Variants in SMC5 observed in about 807,000 individuals in gnomAD.
SMC5 encodes structural maintenance of chromosomes 5, also known as structural maintenance of chromosomes protein 5.
A neutral mutation model predicts 148.3 loss-of-function variants in SMC5; 88 were observed. That is an observed-to-expected ratio of 0.59 (90% CI 0.50 to 0.71). The LOEUF (loss-of-function observed/expected upper bound fraction) is 0.71. Among genes scored for constraint, SMC5 ranks in the 30% least tolerant of loss-of-function variants. The pLI, the probability that SMC5 is intolerant of heterozygous loss-of-function variation, is 0.00. For synonymous variants in SMC5, 421 were observed against 432.8 expected (o/e 0.97, Z 0.34); for missense variants, 1,142 against 1,298.9 (o/e 0.88, Z 1.86).
intron 15 of SMC5, among the ~76,000 whole-genome samples, chr9:70,319,346 A>C (rs1472683177): frequency 6.6e-6 from 1 of 152,144 alleles, no homozygotes; most frequent in Admixed American, 6.5e-5. Context: ...TTAAAAATAA[A>C]CCCATTATGT....
chr9:70,323,369 A>G, intron 15 of SMC5, 114 bp from the exon 16 acceptor site: 3 of 995,894 alleles, frequency 3.0e-6, no homozygotes, highest in South Asian at 2.0e-5. Context: ...GCCAGGCACT[A>G]TATATCTGAA....
At position 70,340,342 on chromosome 9, in the gene SMC5, A is replaced by ATTATT. The variant is rs752795191; in HGVS notation, c.2398-3801_2398-3797dup. On this transcript the variant is annotated intron_variant, in intron 17 of 24. Coordinates refer to ENST00000361138, the MANE Select transcript of SMC5 (RefSeq NM_015110.4). ...AGAAAACATTTTACAAAGAAATAGTATTATTCCCATTATTTTATTGTTTAT... is the reference window on the plus strand; with the variant it reads ...AGAAAACATTTTACAAAGAAATAGTATTATTTTATTCCCATTATTTTATTGTTTAT... 4.6e-5 allele frequency among the ~76,000 whole-genome samples: 7 copies of ATTATT among 152,076 alleles called. No homozygotes were observed. In the East Asian group the frequency reaches 1.2e-3, roughly 25 times the overall value.
rs538939133 is a variant in SMC5 at position 70,307,008 on chromosome 9, A to G, written c.1578+1648A>G. On this transcript the variant is annotated intron_variant, in intron 11 of 24. Transcript: ENST00000361138. ...TTTTTGCCAAACCTGAGTACTACCT[A>G]TAGTATTATTTCTTGTTTTTCTTTC... Among the ~76,000 whole-genome samples the G allele has an allele frequency of 3.3e-5, 5 of 152,292 alleles. No homozygotes were observed. In the East Asian group the frequency reaches 7.7e-4, roughly 23 times the overall value.
intron 7 of SMC5, among the ~76,000 whole-genome samples, chr9:70,285,635 A>C (rs777064800): frequency 2.0e-5 from 3 of 152,218 alleles, no homozygotes; most frequent in Non-Finnish European, 4.4e-5. Flanking sequence ...CTGTCCAAGA[A>C]TAGTAGTCTT....
At chr9:70,346,714 A>G in intron 19 of SMC5, 65 bp downstream of exon 19, 2 of 1,556,064 alleles carry the variant, frequency 1.3e-6, no homozygotes, top group Admixed American at 1.7e-5. Flanking sequence ...CTCCCTAGCC[A>G]TTTGCTTTAA....
rs116938286 is a variant in SMC5 at position 70,339,066 on chromosome 9, A to C, written c.2398-5078A>C. On this transcript the variant is annotated intron_variant, in intron 17 of 24. Transcript: ENST00000361138. The stretch of plus-strand genomic sequence containing the variant: ...ACCAGCCCTTTTGTAAGGTTCTTTC[A>C]TTTCTTGTTGTGCATACTTAATAAA... 3.9e-5 allele frequency among the ~76,000 whole-genome samples: 6 copies of C among 152,262 alleles called. No individual in the cohort carries two copies. The East Asian group carries it at 1.2e-3, about 29-fold the overall frequency.
intron 13 of SMC5, among the ~76,000 whole-genome samples, chr9:70,317,118 C>G (rs1233145877): frequency 6.6e-6 from 1 of 152,078 alleles, no homozygotes; most frequent in Non-Finnish European, 1.5e-5. Context: ...TCTTAGCTAT[C>G]TTTCAGAAGA....
intron 7 of SMC5, 38 bp from the exon 8 acceptor site, chr9:70,286,162 A>G (rs772707961): frequency 2.2e-6 from 3 of 1,381,584 alleles, no homozygotes; most frequent in Non-Finnish European, 2.1e-6. Context: ...TGAGTTTTTA[A>G]CTAGCTGTCC....
chr9:70,277,022 C>T (rs1180113), intron 3 of SMC5, among the ~76,000 whole-genome samples: 11,828 of 152,158 alleles, frequency 0.078, 536 homozygotes, highest in African/African-American at 0.13. Context: ...ACAACTCCAG[C>T]TATGTGACTC....
intron 8 of SMC5, among the ~76,000 whole-genome samples, chr9:70,291,055 C>A (rs1029355167): frequency 3.9e-5 from 6 of 152,116 alleles, no homozygotes; most frequent in African/African-American, 1.4e-4. Context: ...CAGTCCCATT[C>A]CCCTCCCCAG....
At chr9:70,320,141 A>G (rs2035907380) in intron 15 of SMC5, among the ~76,000 whole-genome samples, 1 of 152,250 alleles carries the variant, frequency 6.6e-6, no homozygotes, top group Non-Finnish European at 1.5e-5. Flanking sequence ...AAACTTAGTC[A>G]CACAAGTGCT....
chr9:70,351,268 C>T (rs957117522), intron 24 of SMC5, among the ~76,000 whole-genome samples: 2 of 151,938 alleles, frequency 1.3e-5, no homozygotes, highest in Non-Finnish European at 2.9e-5. Context: ...GCATGAGGAT[C>T]GCTTGAGTCT....
chr9:70,260,128 G>A (rs1587606534), intron 1 of SMC5, among the ~76,000 whole-genome samples: 1 of 151,370 alleles, frequency 6.6e-6, no homozygotes, highest in Non-Finnish European at 1.5e-5. Context: ...TTTTTGAGAC[G>A]GAGTGTCATA....
intron 6 of SMC5, among the ~76,000 whole-genome samples, chr9:70,281,269 T>G (rs1337602939): frequency 6.6e-6 from 1 of 152,174 alleles, no homozygotes; most frequent in East Asian, 1.9e-4. Context: ...CTTGAACTCC[T>G]GACCTCAGGT....
At chr9:70,292,345 A>G (rs1180133) in intron 8 of SMC5, among the ~76,000 whole-genome samples, 32,755 of 152,052 alleles carry the variant, frequency 0.22, 3,673 homozygotes, top group South Asian at 0.28. Flanking sequence ...TATTTCTTTC[A>G]TTAGCATTAT....
Position 70,318,810 on chromosome 9 carries a change from T to C in SMC5, c.1997T>C (p.Leu666Ser). 1.3e-6 allele frequency: 2 copies of C among 1,567,328 alleles called. No individual in the cohort carries two copies. The highest frequency in any genetic ancestry group is 1.7e-6 in the Non-Finnish European group (2 of 1,164,436). Residue 666 changes from leucine to serine, a missense_variant, in exon 15 of 25, where the codon TTG becomes TCG. By Grantham distance (145) the Leu-to-Ser change is moderately radical. Coordinates refer to ENST00000361138, the MANE Select transcript of SMC5 (RefSeq NM_015110.4). ...ATTTTATAGGAAATTCATAGAAAAT[T>C]GCAAGCAGTGGATTCAGGGTTGATT... is the stretch of plus-strand genomic sequence containing the variant. The part of the protein sequence containing the change: ...EEQLKEIHRK[L>S]QAVDSGLIAL...
chr9:70,277,446 G>A lies in SMC5; in HGVS notation c.517G>A (p.Gly173Arg). The A allele has an allele frequency of 6.3e-7, 1 of 1,593,306 alleles. No homozygotes were observed. Among genetic ancestry groups the A allele is most frequent in the Non-Finnish European group, 8.5e-7 (1 of 1,172,286 alleles). Residue 173 changes from glycine to arginine, a missense_variant, in exon 4 of 25, where the codon GGG (glycine) becomes AGG (arginine). Gly to Arg is a moderately radical substitution (Grantham distance 125, BLOSUM62 -2). Around this residue, in one of 5 missense-constraint regions of SMC5, gnomAD observed 297 missense variants for 302.6 expected, o/e 0.98. Coordinates refer to ENST00000361138, the MANE Select transcript of SMC5 (RefSeq NM_015110.4). ...AGTTGCAGCCTTAAATATTCAAGTG[G>A]GGAATCTTTGCCAGTTTCTCCCTCA... is the stretch of plus-strand genomic sequence containing the variant. Reference protein sequence around the residue: ...EKVAALNIQVGNLCQFLPQDK... With the variant: ...EKVAALNIQVRNLCQFLPQDK...
intron 11 of SMC5, among the ~76,000 whole-genome samples, chr9:70,306,407 T>C (rs1302099207): frequency 2.0e-5 from 3 of 152,192 alleles, no homozygotes; most frequent in Non-Finnish European, 2.9e-5. Context: ...TGGCAAGGTA[T>C]GTGAACATAA....
chr9:70,323,841 T>C (rs1301223374), intron 16 of SMC5, among the ~76,000 whole-genome samples, 180 bp from the exon 17 acceptor site: 2 of 152,194 alleles, frequency 1.3e-5, no homozygotes, highest in Non-Finnish European at 2.9e-5. Flanking sequence ...GATGACTCTC[T>C]TAAAAACAAA....
Sources: gnomAD v4.1 joint callset for allele counts (sites outside exome capture counted in the v4.1 genomes callset) on GRCh38, gnomAD v4.1.1 for gene constraint, gnomAD v4.1.1 regional missense constraint, MANE v1.5 for transcripts, NCBI Gene and HGNC (gene_info 2026-07-23, HGNC 2026-07-21) for gene names.